The following MTA3 variants were observed in gnomAD, a reference collection of about 807,000 sequenced individuals.
MTA3 encodes metastasis associated 1 family member 3, also known as metastasis-associated protein MTA3.
Under a neutral mutation model 83.5 loss-of-function variants are expected in MTA3, and 34 were observed. That is an observed-to-expected ratio of 0.41 (90% CI 0.31 to 0.54). MTA3 has a LOEUF of 0.54. Among genes scored for constraint, MTA3 ranks in the 20% least tolerant of loss-of-function variants. MTA3 has a pLI of 0.33. For missense variants in MTA3, 761 were observed against 726.4 expected (o/e 1.05, Z -0.55); for synonymous variants, 303 against 252.7 (o/e 1.20, Z -1.89).
At chr2:42,645,454 G>A (rs1688092478) in intron 6 of MTA3, among the ~76,000 whole-genome samples, 1 of 152,176 alleles carries the variant, frequency 6.6e-6, no homozygotes, top group South Asian at 2.1e-4. Context: ...GAACCTCGGA[G>A]GCAGAGGTTG....
At chr2:42,703,890 CAAAA>C in intron 11 of MTA3, 10 of 177,816 alleles carry the variant, frequency 5.6e-5, no homozygotes, top group East Asian at 1.7e-4. Context: ...ACTCCGTCTC[CAAAA>C]AAAAAAAAAA....
chr2:42,666,410 T>C (rs542854151), intron 8 of MTA3, among the ~76,000 whole-genome samples: 2 of 152,316 alleles, frequency 1.3e-5, no homozygotes, highest in South Asian at 2.1e-4. Flanking sequence ...AACAAAACTA[T>C]TGAGTTTTGC....
At chr2:42,608,941 G>A (rs1373004583) in intron 3 of MTA3, among the ~76,000 whole-genome samples, 1 of 151,792 alleles carries the variant, frequency 6.6e-6, no homozygotes, top group African/African-American at 2.4e-5. Context: ...TATTTTTGGG[G>A]TACCATCTGC....
intron 16 of MTA3, among the ~76,000 whole-genome samples, chr2:42,736,199 G>T (rs1668602260): frequency 6.6e-6 from 1 of 152,170 alleles, no homozygotes; most frequent in Non-Finnish European, 1.5e-5. Flanking sequence ...CTCTTGCCTT[G>T]GTTGTCTTGG....
chr2:42,726,175 A>G (rs1247493874), intron 16 of MTA3, among the ~76,000 whole-genome samples: 1 of 152,174 alleles, frequency 6.6e-6, no homozygotes, highest in Non-Finnish European at 1.5e-5. Context: ...AATTATCAGC[A>G]TGTCAGACAG....
chr2:42,634,859 C>G (rs911181066), intron 4 of MTA3, among the ~76,000 whole-genome samples: 2 of 151,812 alleles, frequency 1.3e-5, no homozygotes, highest in African/African-American at 4.8e-5. Flanking sequence ...TTCCCTATTC[C>G]CTTTGCCATC....
In MTA3 at chr2:42,707,940, T is replaced by C. The variant is rs201994344; in HGVS notation, c.1188T>C (p.Pro396=). 30 of 1,608,386 alleles carry C rather than the reference T, an allele frequency of 1.9e-5. No individual in the cohort carries two copies. The highest frequency in any genetic ancestry group is 2.5e-5 in the Non-Finnish European group (30 of 1,178,390). ...QSHQWYSWGP[P]NMQCRLCAIC... ...ACCAGTGGTATTCTTGGGGCCCACC[T>C]AATATGCAGTGTAGATTATGTGCAA... The change falls in exon 13 of 17, where the codon CCT becomes CCC. Residue 396 remains proline (P), a synonymous_variant. Transcript: ENST00000405094.
At chr2:42,601,822 G>C (rs1331111132) in intron 3 of MTA3, among the ~76,000 whole-genome samples, 1 of 152,124 alleles carries the variant, frequency 6.6e-6, no homozygotes, top group Non-Finnish European at 1.5e-5. Flanking sequence ...TAGGATTTCA[G>C]GTGTGCACCA....
chr2:42,727,361 C>T (rs1193328079), intron 16 of MTA3, among the ~76,000 whole-genome samples: 1 of 152,196 alleles, frequency 6.6e-6, no homozygotes, highest in Admixed American at 6.5e-5. Context: ...GGATGTCGGT[C>T]CAGCAGTGTG....
chr2:42,590,634 T>TTTTTTG (rs1553351759), intron 3 of MTA3, among the ~76,000 whole-genome samples: 3 of 16,614 alleles, frequency 1.8e-4, no homozygotes, highest in Non-Finnish European at 2.7e-4. Flanking sequence ...TTTTTTTTTG[T>TTTTTTG]GAGGTGGAGT....
At position 42,729,102 on chromosome 2, in the gene MTA3, T is replaced by TTTTTTG. The variant is rs1487244681; in HGVS notation, c.1759+6072_1759+6073insGTTTTT. 7.2e-5 allele frequency among the ~76,000 whole-genome samples: 9 copies of TTTTTTG among 125,484 alleles called. 2 individuals carry two copies. Among genetic ancestry groups the TTTTTTG allele is most frequent in the Admixed American group, 2.4e-4 (3 of 12,408 alleles). 82.3% of individuals were successfully genotyped at this position (125,484 alleles called of 152,430 possible). A position where few individuals can be genotyped will look rare whatever the true frequency, so the allele number is the denominator to read the frequency against. ...ACAGTTTGAGTTTTTTTTTTTTTTT[T>TTTTTTG]TTTTTTTTTTTCACAGAGTCATGCT... On this transcript the variant is annotated intron_variant, in intron 16 of 16. Coordinates refer to ENST00000405094, the MANE Select transcript of MTA3 (RefSeq NM_001330442.2).
At chr2:42,662,880 C>T (rs942210395) in intron 8 of MTA3, among the ~76,000 whole-genome samples, 3 of 151,862 alleles carry the variant, frequency 2.0e-5, no homozygotes, top group Non-Finnish European at 4.4e-5. Flanking sequence ...TACAGGCGCA[C>T]GTCACCACAC....
intron 3 of MTA3, among the ~76,000 whole-genome samples, chr2:42,592,610 C>CT (rs753474572): frequency 2.0e-5 from 3 of 152,086 alleles, no homozygotes; most frequent in Non-Finnish European, 4.4e-5. Flanking sequence ...ACTTTTTAAA[C>CT]TTTTTTTATT....
chr2:42,565,112 T>TA (rs1207348260), upstream of MTA3, among the ~76,000 whole-genome samples: 1 of 151,928 alleles, frequency 6.6e-6, no homozygotes, highest in East Asian at 1.9e-4. Context: ...TTCGCACATA[T>TA]AAAAACTCCA....
intron 8 of MTA3, among the ~76,000 whole-genome samples, chr2:42,668,490 A>T (rs1573548902): frequency 6.6e-6 from 1 of 152,316 alleles, no homozygotes; most frequent in Non-Finnish European, 1.5e-5. Flanking sequence ...CAACTTGAGG[A>T]TGAATTGAGA....
At chr2:42,595,697 G>A (rs1681710575) in intron 3 of MTA3, among the ~76,000 whole-genome samples, 1 of 151,954 alleles carries the variant, frequency 6.6e-6, no homozygotes, top group Non-Finnish European at 1.5e-5. Flanking sequence ...TAAGTAAACG[G>A]TATTTGGGTA....
At chr2:42,704,000 TC>T (rs890416930) in intron 11 of MTA3, 193 bp from the exon 12 acceptor site, 37 of 551,902 alleles carry the variant, frequency 6.7e-5, no homozygotes, top group African/African-American at 6.5e-4. Context: ...ATTCCTTTTT[TC>T]ATAGACTCGT....
chr2:42,749,552 C>T (rs1669706863), intron 16 of MTA3, among the ~76,000 whole-genome samples: 2 of 152,128 alleles, frequency 1.3e-5, no homozygotes, highest in South Asian at 2.1e-4. Flanking sequence ...ACTGCAACCT[C>T]CGCCTCCTGG....
chr2:42,701,291 CAAAAAAAA>C (rs35602598), intron 11 of MTA3, among the ~76,000 whole-genome samples: 171 of 69,776 alleles, frequency 2.5e-3, no homozygotes, highest in Non-Finnish European at 3.9e-3. Flanking sequence ...GACCCTGCCT[CAAAAAAAA>C]AAAAAAAAAA....
Sources: allele counts gnomAD v4.1 joint callset (sites outside exome capture counted in the v4.1 genomes callset), GRCh38; gene constraint gnomAD v4.1.1; transcripts MANE v1.5; gene names NCBI Gene and HGNC (gene_info 2026-07-23, HGNC 2026-07-21).